LYPLAL1: variants seen among roughly 807,000 people sequenced by gnomAD.
The protein encoded by LYPLAL1 is lysophospholipase like 1.
LYPLAL1 carries 23 observed loss-of-function variants against 19.7 expected under a neutral mutation model. The observed-to-expected ratio is 1.17, with a 90% confidence interval of 0.84 to 1.65. The LOEUF (loss-of-function observed/expected upper bound fraction) is 1.65. Ranked by LOEUF, LYPLAL1 falls within the 40% of genes most tolerant of loss-of-function variation. LYPLAL1 has a pLI of 0.00. For missense variants in LYPLAL1, 355 were observed against 279.4 expected, an observed-to-expected ratio of 1.27 and a Z score of -1.93; for synonymous variants, 119 against 96.3, an observed-to-expected ratio of 1.24 and a Z score of -1.38.
the LYPLAL1 span, chr1:219,222,803 T>C: frequency 2.0e-5 from 3 of 152,198 alleles, no homozygotes; most frequent in Non-Finnish European, 4.4e-5. Flanking sequence ...CCAGCAGATT[T>C]GGTGTCTGGC....
chr1:219,238,457 T>G, the LYPLAL1 span, among the ~76,000 whole-genome samples: 5 of 151,954 alleles, frequency 3.3e-5, no homozygotes, highest in African/African-American at 1.2e-4. Context: ...GGCCTAAACT[T>G]TTAATGTTTC....
At chr1:219,179,285 T>G (rs1292398637) in intron 2 of LYPLAL1, 39 bp downstream of exon 2, 3 of 1,395,894 alleles carry the variant, frequency 2.1e-6, no homozygotes, top group Non-Finnish European at 3.0e-6. Context: ...TATAACTCTG[T>G]GGCATAAAAT....
chr1:219,193,631 A>G (rs4846286), intron 3 of LYPLAL1: 94,924 of 153,730 alleles, frequency 0.62, 29,885 homozygotes, highest in East Asian at 0.92. Context: ...ATATACCACT[A>G]CATTTATGAA....
chr1:219,374,792 T>A, the LYPLAL1 span, among the ~76,000 whole-genome samples: 1 of 152,196 alleles, frequency 6.6e-6, no homozygotes, highest in Non-Finnish European at 1.5e-5. Context: ...ATGCCACAGA[T>A]GAATAGAATC....
At chr1:219,375,154 T>TA in the LYPLAL1 span, among the ~76,000 whole-genome samples, 1 of 152,058 alleles carries the variant, frequency 6.6e-6, no homozygotes, top group Non-Finnish European at 1.5e-5. Flanking sequence ...GTAGACAGAT[T>TA]AAAAAAGCAT....
chr1:219,429,269 G>A, the LYPLAL1 span, among the ~76,000 whole-genome samples: 2 of 152,220 alleles, frequency 1.3e-5, no homozygotes, highest in Admixed American at 1.3e-4. Context: ...TATGGCATAT[G>A]TGAGAATATA....
chr1:219,189,702 G>C (rs1221745460), intron 2 of LYPLAL1, among the ~76,000 whole-genome samples: 1 of 151,544 alleles, frequency 6.6e-6, no homozygotes, highest in East Asian at 1.9e-4. Flanking sequence ...CCTGGATAAA[G>C]AGCAATGAAG....
At chr1:219,280,296 A>T in the LYPLAL1 span, among the ~76,000 whole-genome samples, 3 of 152,310 alleles carry the variant, frequency 2.0e-5, no homozygotes, top group South Asian at 6.2e-4. Flanking sequence ...TTGATGCCTA[A>T]AGAAGGTATT....
chr1:219,399,753 G>A, the LYPLAL1 span, among the ~76,000 whole-genome samples: 1 of 152,140 alleles, frequency 6.6e-6, no homozygotes, highest in Admixed American at 6.5e-5. Context: ...AGGACTAAGG[G>A]GTGCTCAGGT....
At chr1:219,304,749 A>C in the LYPLAL1 span, among the ~76,000 whole-genome samples, 1 of 152,226 alleles carries the variant, frequency 6.6e-6, no homozygotes, top group African/African-American at 2.4e-5. Context: ...ACCAGACCCT[A>C]GATTGCCATG....
chr1:219,325,254 C>T, the LYPLAL1 span, among the ~76,000 whole-genome samples: 3 of 152,116 alleles, frequency 2.0e-5, no homozygotes, highest in Non-Finnish European at 2.9e-5. Flanking sequence ...ATGCGTTTCT[C>T]AGTTAACCAC....
the LYPLAL1 span, among the ~76,000 whole-genome samples, chr1:219,305,369 A>G: frequency 1.5e-4 from 23 of 152,136 alleles, no homozygotes; most frequent in Admixed American, 1.0e-3. Flanking sequence ...TGCTGTTTTC[A>G]TAAGTCTTTA....
At chr1:219,291,801 T>C in the LYPLAL1 span, among the ~76,000 whole-genome samples, 1 of 137,230 alleles carries the variant, frequency 7.3e-6, no homozygotes, top group South Asian at 2.4e-4. Flanking sequence ...CAAAAAAAAA[T>C]GTAGCTTCTT....
the LYPLAL1 span, among the ~76,000 whole-genome samples, chr1:219,286,112 G>C: frequency 6.6e-6 from 1 of 152,158 alleles, no homozygotes; most frequent in East Asian, 1.9e-4. Context: ...TGGCCACCAG[G>C]TACTGGCCCT....
chr1:219,344,100 T>G, the LYPLAL1 span, among the ~76,000 whole-genome samples: 1 of 152,160 alleles, frequency 6.6e-6, no homozygotes, highest in African/African-American at 2.4e-5. Context: ...TGCTGCCCCC[T>G]CAAAATGAAC....
chr1:219,185,319 G>A (rs1286315667), intron 2 of LYPLAL1, among the ~76,000 whole-genome samples: 1 of 151,128 alleles, frequency 6.6e-6, no homozygotes, highest in Non-Finnish European at 1.5e-5. Flanking sequence ...GTTACCAATT[G>A]TATTAATCTT....
chr1:219,293,117 C>T, the LYPLAL1 span, among the ~76,000 whole-genome samples: 2 of 152,084 alleles, frequency 1.3e-5, no homozygotes, highest in African/African-American at 4.8e-5. Context: ...AATCAGTCTC[C>T]GAGTTTACAT....
the LYPLAL1 span, among the ~76,000 whole-genome samples, chr1:219,229,406 T>C: frequency 6.8e-6 from 1 of 147,878 alleles, no homozygotes; most frequent in East Asian, 2.0e-4. Context: ...GGACAGGGAG[T>C]GGCCTGATTC....
the LYPLAL1 span, among the ~76,000 whole-genome samples, chr1:219,267,965 A>G: frequency 6.6e-6 from 1 of 152,220 alleles, no homozygotes; most frequent in Non-Finnish European, 1.5e-5. Flanking sequence ...TTTAGGAACA[A>G]CTAAAACACA....
Sources: gnomAD v4.1 joint callset for allele counts (sites outside exome capture counted in the v4.1 genomes callset) on GRCh38, gnomAD v4.1.1 for gene constraint, MANE v1.5 for transcripts, NCBI Gene and HGNC (gene_info 2026-07-23, HGNC 2026-07-21) for gene names.